The following IQSEC1 variants were observed in gnomAD, a reference collection of about 807,000 sequenced individuals.
IQSEC1 encodes the protein IQ motif and SEC7 domain-containing protein 1.
In IQSEC1, 31 loss-of-function variants were observed where a neutral mutation model predicts 91.0. The ratio of observed to expected loss-of-function variants is 0.34; its 90% CI spans 0.26 to 0.46. The LOEUF (loss-of-function observed/expected upper bound fraction) is 0.46, where lower values mean the gene tolerates loss of function less well. IQSEC1 is among the 20% of genes least tolerant of loss of function. The probability of loss-of-function intolerance (pLI) is 1.00; values close to 1 mark genes in which losing one functional copy is unlikely to be tolerated. For missense variants in IQSEC1, 1,388 were observed against 1,575.6 expected (o/e 0.88, Z 2.02); for synonymous variants, 699 against 662.6 (o/e 1.05, Z -0.84).
At chr3:12,925,072 G>A (rs989748581) in intron 3 of IQSEC1, among the ~76,000 whole-genome samples, 1 of 152,130 alleles carries the variant, frequency 6.6e-6, no homozygotes, top group Non-Finnish European at 1.5e-5. Context: ...GGGTGCTTCT[G>A]TGGGAGCTGG....
intron 4 of IQSEC1, among the ~76,000 whole-genome samples, chr3:12,923,284 G>A (rs1024065412): frequency 2.6e-5 from 4 of 151,962 alleles, no homozygotes; most frequent in Non-Finnish European, 5.9e-5. Flanking sequence ...GCTTGGAGTG[G>A]GGAGTCGGGG....
In IQSEC1 at chr3:12,899,289, A is replaced by AACGCGGCC. The variant is rs748877137; in HGVS notation, c.*1686_*1693dup. On this transcript the variant is annotated 3_prime_UTR_variant, in exon 14 of 14. Transcript: ENST00000613206. ...ACGGCTCACCACGCTGTCCACTGGG[A>AACGCGGCC]ACGCGGCCCCGCGGCCCGCAGAGTC... The AACGCGGCC allele has an allele frequency of 3.0e-4, 397 of 1,321,008 alleles. No homozygotes were observed. The highest frequency in any genetic ancestry group is 3.9e-4 in the Non-Finnish European group (372 of 942,212). 81.8% of individuals were successfully genotyped at this position (1,321,008 alleles called of 1,614,324 possible). A position where few individuals can be genotyped will look rare whatever the true frequency, so the allele number is the denominator to read the frequency against.
intron 1 of IQSEC1, among the ~76,000 whole-genome samples, chr3:13,248,925 G>A (rs140733538): frequency 9.4e-6 from 1 of 106,122 alleles, no homozygotes; most frequent in Non-Finnish European, 1.8e-5. Flanking sequence ...TAAGTCACTT[G>A]CCTAATGTCA....
intron 1 of IQSEC1, among the ~76,000 whole-genome samples, chr3:13,235,622 C>G (rs1559283089): frequency 6.6e-6 from 1 of 152,188 alleles, no homozygotes; most frequent in Admixed American, 6.5e-5. Context: ...GCACATCACT[C>G]CCGCTGCCTG....
Position 13,098,910 on chromosome 3 carries a change from C to T in IQSEC1, c.303-51388G>A, listed in dbSNP as rs182857950. Reference sequence around the variant, plus strand: ...AACTCTGTGAATACACTAACATCCACGGAATGATACACTTTAAATGAATGA... The same window carrying T: ...AACTCTGTGAATACACTAACATCCATGGAATGATACACTTTAAATGAATGA... On this transcript the variant is annotated intron_variant, in intron 2 of 15. Transcript: ENST00000648114. Among the ~76,000 whole-genome samples the T allele has an allele frequency of 2.9e-3, 445 of 152,288 alleles. 1 individual carries two copies. The highest frequency in any genetic ancestry group is 8.0e-3 in the African/African-American group (334 of 41,560).
intron 1 of IQSEC1, among the ~76,000 whole-genome samples, chr3:13,068,380 G>T (rs1385020461): frequency 6.6e-6 from 1 of 152,172 alleles, no homozygotes; most frequent in African/African-American, 2.4e-5. Context: ...CCAACATCAT[G>T]CCAGGCCATG....
chr3:12,916,639 AG>A (rs1696120127), intron 6 of IQSEC1, among the ~76,000 whole-genome samples: 1 of 152,210 alleles, frequency 6.6e-6, no homozygotes, highest in Non-Finnish European at 1.5e-5. Flanking sequence ...GACAAGTTCT[AG>A]CACCCTCTGG....
intron 1 of IQSEC1, among the ~76,000 whole-genome samples, chr3:13,186,033 A>G (rs934508848): frequency 2.0e-5 from 3 of 152,250 alleles, no homozygotes; most frequent in African/African-American, 7.2e-5. Flanking sequence ...TGAGTTGGAC[A>G]CACTCAGCAG....
intron 1 of IQSEC1, among the ~76,000 whole-genome samples, chr3:13,033,174 A>G (rs960716664): frequency 6.6e-6 from 1 of 152,176 alleles, no homozygotes; most frequent in Non-Finnish European, 1.5e-5. Flanking sequence ...CCTGACCACC[A>G]AACACCAGGC....
intron 2 of IQSEC1, among the ~76,000 whole-genome samples, chr3:13,127,255 AT>A (rs1263893686): frequency 7.2e-5 from 11 of 152,116 alleles, no homozygotes; most frequent in Non-Finnish European, 1.6e-4. Flanking sequence ...TCTACTAAAA[AT>A]AAAAAAAATT....
chr3:13,251,409 G>C, intron 1 of IQSEC1, among the ~76,000 whole-genome samples: 1 of 152,152 alleles, frequency 6.6e-6, no homozygotes, highest in East Asian at 1.9e-4. Context: ...TCAGCAACTG[G>C]AACAGTTCTG....
chr3:13,055,142 G>A (rs534173198), intron 1 of IQSEC1, among the ~76,000 whole-genome samples: 21 of 152,356 alleles, frequency 1.4e-4, no homozygotes, highest in Non-Finnish European at 1.9e-4. Context: ...CGATTGTCCC[G>A]GGGTTGGCCT....
intron 1 of IQSEC1, among the ~76,000 whole-genome samples, chr3:13,016,770 C>A (rs1333123469): frequency 6.6e-6 from 1 of 152,206 alleles, no homozygotes; most frequent in Non-Finnish European, 1.5e-5. Context: ...AATTCACACA[C>A]CATACAACTC....
chr3:12,927,579 A>T (rs778170255), intron 3 of IQSEC1, among the ~76,000 whole-genome samples: 25 of 152,122 alleles, frequency 1.6e-4, no homozygotes, highest in Non-Finnish European at 2.9e-4. Context: ...TCTGATGTGG[A>T]TGTGCCACAT....
Position 13,124,855 on chromosome 3 carries a change from C to T in IQSEC1, c.302+39249G>A, listed in dbSNP as rs187472176. ...GCCTTCAGCCCCACACAGCACCTGC[C>T]AGCAGTCGTTCAGCATTATGGTGAG... On this transcript the variant is annotated intron_variant, in intron 2 of 15. Transcript: ENST00000648114. Among the ~76,000 whole-genome samples the T allele has an allele frequency of 1.1e-4, 16 of 152,292 alleles. 1 individual carries two copies. The East Asian group carries it at 3.1e-3, about 29-fold the overall frequency.
chr3:13,089,567 A>G (rs1705801733), intron 2 of IQSEC1, among the ~76,000 whole-genome samples: 1 of 152,182 alleles, frequency 6.6e-6, no homozygotes, highest in African/African-American at 2.4e-5. Context: ...CCTGGGTGAC[A>G]GAATGAGACC....
intron 1 of IQSEC1, among the ~76,000 whole-genome samples, chr3:13,241,439 C>A (rs998792540): frequency 6.6e-6 from 1 of 152,236 alleles, no homozygotes; most frequent in Non-Finnish European, 1.5e-5. Context: ...GCAGGTGTGT[C>A]CGCTGTGACG....
intron 3 of IQSEC1, among the ~76,000 whole-genome samples, chr3:12,929,285 ACAG>A (rs1205984799): frequency 2.0e-5 from 3 of 152,202 alleles, no homozygotes; most frequent in East Asian, 3.9e-4. Flanking sequence ...TTCAGGCTTC[ACAG>A]CTGGAAGGAG....
At chr3:13,167,190 T>C (rs2124993182) in intron 1 of IQSEC1, among the ~76,000 whole-genome samples, 1 of 152,300 alleles carries the variant, frequency 6.6e-6, no homozygotes, top group East Asian at 1.9e-4. Context: ...AGCTGAGATC[T>C]AGGAACAGGA....
Sources: allele counts gnomAD v4.1 joint callset (sites outside exome capture counted in the v4.1 genomes callset), GRCh38; gene constraint gnomAD v4.1.1; transcripts MANE v1.5; gene names NCBI Gene and HGNC (gene_info 2026-07-23, HGNC 2026-07-21).